The following MEIS1 variants were observed in gnomAD, a reference collection of about 807,000 sequenced individuals.
MEIS1 encodes the protein Meis homeobox 1.
A neutral mutation model predicts 50.8 loss-of-function variants in MEIS1; 5 were observed. The observed-to-expected ratio is 0.10, with a 90% CI of 0.05 to 0.21. MEIS1 has a LOEUF of 0.21. MEIS1 is among the 10% of genes least tolerant of loss of function. The pLI is 1.00. For missense variants in MEIS1, 318 were observed against 517.3 expected (o/e 0.61, Z 3.74); for synonymous variants, 176 against 179.3 (o/e 0.98, Z 0.15).
intron 8 of MEIS1, among the ~76,000 whole-genome samples, chr2:66,545,608 A>G (rs1271575927): frequency 6.6e-6 from 1 of 152,178 alleles, no homozygotes; most frequent in Non-Finnish European, 1.5e-5. Context: ...ACATAGACCT[A>G]CTGTATATCA....
intron 8 of MEIS1, among the ~76,000 whole-genome samples, chr2:66,525,279 A>C (rs781242716): frequency 6.6e-6 from 1 of 152,190 alleles, no homozygotes; most frequent in Non-Finnish European, 1.5e-5. Flanking sequence ...TATGGCATGC[A>C]TTTAAATTAT....
chr2:66,513,062 T>G (rs909311737), intron 8 of MEIS1, among the ~76,000 whole-genome samples: 12 of 152,288 alleles, frequency 7.9e-5, no homozygotes, highest in African/African-American at 2.6e-4. Context: ...TTTATAATAA[T>G]AATATTTTGG....
intron 1 of MEIS1, among the ~76,000 whole-genome samples, chr2:66,436,559 A>G (rs1048449374): frequency 2.6e-5 from 4 of 152,226 alleles, no homozygotes; most frequent in Non-Finnish European, 2.9e-5. Context: ...CTTAAAAGAA[A>G]GGGGGTCTAC....
At chr2:66,556,597 T>C (rs755580383) in intron 9 of MEIS1, among the ~76,000 whole-genome samples, 8 of 152,134 alleles carry the variant, frequency 5.3e-5, no homozygotes, top group Non-Finnish European at 7.4e-5. Flanking sequence ...GTATTTTTAC[T>C]CTAGGATGCT....
At chr2:66,554,189 A>G (rs912343948) in intron 9 of MEIS1, among the ~76,000 whole-genome samples, 1 of 152,198 alleles carries the variant, frequency 6.6e-6, no homozygotes, top group African/African-American at 2.4e-5. Context: ...CAGGGACCCA[A>G]TGTTTCTGAA....
chr2:66,505,670 A>C (rs1673669385), intron 7 of MEIS1, among the ~76,000 whole-genome samples: 1 of 152,216 alleles, frequency 6.6e-6, no homozygotes, highest in Non-Finnish European at 1.5e-5. Context: ...ACTGGGAAAA[A>C]ATGCAGAAAG....
intron 9 of MEIS1, among the ~76,000 whole-genome samples, chr2:66,563,583 C>T (rs189698837): frequency 2.6e-5 from 4 of 152,268 alleles, no homozygotes; most frequent in East Asian, 3.9e-4. Context: ...ATAATTTAGA[C>T]TCTTCCACAA....
chr2:66,520,711 A>G (rs1415200457), intron 8 of MEIS1, among the ~76,000 whole-genome samples: 1 of 152,198 alleles, frequency 6.6e-6, no homozygotes, highest in African/African-American at 2.4e-5. Flanking sequence ...TGTAATATGT[A>G]TGTATGTAGT....
chr2:66,487,948 G>T (rs1286099270), intron 7 of MEIS1, among the ~76,000 whole-genome samples: 1 of 152,180 alleles, frequency 6.6e-6, no homozygotes, highest in Non-Finnish European at 1.5e-5. Context: ...TCTGAATCTA[G>T]GACTTAGCGT....
At chr2:66,556,703 T>C (rs1675074504) in intron 9 of MEIS1, among the ~76,000 whole-genome samples, 1 of 152,036 alleles carries the variant, frequency 6.6e-6, no homozygotes, top group South Asian at 2.1e-4. Context: ...GTGGTTGACT[T>C]TGTTTGTTTG....
chr2:66,550,426 A>G (rs1029057263), intron 9 of MEIS1, among the ~76,000 whole-genome samples: 3 of 152,206 alleles, frequency 2.0e-5, no homozygotes, highest in Middle Eastern at 3.4e-3. Flanking sequence ...TTTGATTTGA[A>G]TTTTTAATGG....
chr2:66,525,712 C>A (rs1674233087), intron 8 of MEIS1, among the ~76,000 whole-genome samples: 1 of 152,234 alleles, frequency 6.6e-6, no homozygotes, highest in Non-Finnish European at 1.5e-5. Flanking sequence ...GTTGACAGTA[C>A]ACTTGTGTGT....
At chr2:66,450,826 A>G (rs1672262079) in intron 6 of MEIS1, among the ~76,000 whole-genome samples, 1 of 152,114 alleles carries the variant, frequency 6.6e-6, no homozygotes, top group Admixed American at 6.6e-5. Context: ...ACTTTACAAT[A>G]TGGTAGCATG....
chr2:66,554,576 T>G (rs2300480), intron 9 of MEIS1, among the ~76,000 whole-genome samples: 1 of 152,096 alleles, frequency 6.6e-6, no homozygotes, highest in Non-Finnish European at 1.5e-5. Context: ...AATCAAAACA[T>G]TTCATCCCTC....
chr2:66,524,948 C>T (rs1161363698), intron 8 of MEIS1, among the ~76,000 whole-genome samples: 1 of 152,156 alleles, frequency 6.6e-6, no homozygotes, highest in Non-Finnish European at 1.5e-5. Flanking sequence ...TGGTTCATGC[C>T]TGTAATCCTA....
chr2:66,560,456 T>G (rs1264270371), intron 9 of MEIS1, among the ~76,000 whole-genome samples: 1 of 151,364 alleles, frequency 6.6e-6, no homozygotes, highest in Admixed American at 6.6e-5. Context: ...TAGCTAGGCA[T>G]GGTGATGCAT....
intron 9 of MEIS1, among the ~76,000 whole-genome samples, chr2:66,565,650 G>A (rs903596668): frequency 6.6e-6 from 1 of 152,090 alleles, no homozygotes; most frequent in Non-Finnish European, 1.5e-5. Context: ...TGTTAAAAAT[G>A]TCTCTTCCTA....
At chr2:66,448,506 G>T (rs1181475630) in intron 6 of MEIS1, among the ~76,000 whole-genome samples, 1 of 152,170 alleles carries the variant, frequency 6.6e-6, no homozygotes, top group African/African-American at 2.4e-5. Flanking sequence ...TGGAGTTGGA[G>T]AAACTGTGAA....
intron 8 of MEIS1, among the ~76,000 whole-genome samples, chr2:66,531,291 C>A (rs1395334633): frequency 6.6e-6 from 1 of 152,096 alleles, no homozygotes; most frequent in Non-Finnish European, 1.5e-5. Flanking sequence ...TAAAATGGTA[C>A]CCTACACATA....
Sources: gnomAD v4.1 joint callset for allele counts (sites outside exome capture counted in the v4.1 genomes callset) on GRCh38, gnomAD v4.1.1 for gene constraint, MANE v1.5 for transcripts, NCBI Gene and HGNC (gene_info 2026-07-23, HGNC 2026-07-21) for gene names.